Variants in MAML3 observed in about 807,000 individuals in gnomAD.
MAML3 encodes the protein mastermind like transcriptional coactivator 3.
A neutral mutation model predicts 101.9 loss-of-function variants in MAML3; 27 were observed. The observed-to-expected ratio is 0.27, with a 90% CI of 0.20 to 0.37. The LOEUF (loss-of-function observed/expected upper bound fraction) is 0.37, where lower values mean the gene tolerates loss of function less well. Among genes scored for constraint, MAML3 ranks in the 10% least tolerant of loss-of-function variants. The probability of loss-of-function intolerance (pLI) is 1.00; values close to 1 mark genes in which losing one functional copy is unlikely to be tolerated. For missense variants in MAML3, 1,316 were observed against 1,444.9 expected, an observed-to-expected ratio of 0.91 and a Z score of 1.45; for synonymous variants, 501 against 555.9, an observed-to-expected ratio of 0.90 and a Z score of 1.39.
chr4:139,995,616 T>C (rs1315391327), intron 1 of MAML3, among the ~76,000 whole-genome samples: 2 of 152,200 alleles, frequency 1.3e-5, no homozygotes, highest in Non-Finnish European at 2.9e-5. Context: ...GATTTGTTGG[T>C]GTGAGGTTGC....
intron 1 of MAML3, among the ~76,000 whole-genome samples, chr4:140,068,314 G>A (rs1332259765): frequency 2.0e-5 from 3 of 152,162 alleles, no homozygotes; most frequent in Admixed American, 1.3e-4. Context: ...GCACACACAG[G>A]CTTTGTACAC....
rs1579354019 is a variant in MAML3 at position 139,719,246 on chromosome 4, G to A, written c.*77C>T. The A allele has an allele frequency of 1.4e-6, 2 of 1,480,628 alleles. No individual in the cohort carries two copies. Among genetic ancestry groups the A allele is most frequent in the East Asian group, 4.7e-5 (2 of 42,942 alleles). The allele number at this position is 1,480,628 out of a possible 1,614,324, so 91.7% of individuals were successfully genotyped here. A position where few individuals can be genotyped will look rare whatever the true frequency, so the allele number is the denominator to read the frequency against. On this transcript the variant is annotated 3_prime_UTR_variant, in exon 5 of 5. Transcript: ENST00000509479. ...GTGGGTCAAAAAAACAAAAAACAAG[G>A]ATGGGTCAACATCCTGTTTCTTTTT...
rs61061197 is a variant in MAML3, at chr4:139,859,227, A to ATTTTT, written c.2079+30125_2079+30129dup. ...CCAACATTAGCAGAGGTTCTACTAC[A>ATTTTT]TTTTTTTTTTTTTTTTTGAGACAGG... On this transcript the variant is annotated intron_variant, in intron 2 of 4. Transcript: ENST00000509479. 2.8e-3 allele frequency among the ~76,000 whole-genome samples: 380 copies of ATTTTT among 135,512 alleles called. 1 individual carries two copies. The highest frequency in any genetic ancestry group is 0.011 in the African/African-American group (359 of 33,676). The allele number at this position is 135,512 out of a possible 152,430, so 88.9% of individuals were successfully genotyped here.
In MAML3 at chr4:139,717,870, T is replaced by C. The variant is rs1401767065; in HGVS notation, c.*1453A>G. 2.0e-5 allele frequency: 3 copies of C among 152,100 alleles called. No individual in the cohort carries two copies. The highest frequency in any genetic ancestry group is 2.9e-5 in the Non-Finnish European group (2 of 68,032). 9.4% of individuals were successfully genotyped at this position (152,100 alleles called of 1,614,324 possible). A position where few individuals can be genotyped will look rare whatever the true frequency, so the allele number is the denominator to read the frequency against. On this transcript the variant is annotated 3_prime_UTR_variant, in exon 5 of 5. Coordinates refer to ENST00000509479, the MANE Select transcript of MAML3 (RefSeq NM_018717.5). ...GGAGGCAAGGAGCCTTGTTGATTCC[T>C]TCTGACAGATTTCGCTTAGGGCAGA...
At chr4:139,981,150 T>C (rs546761736) in intron 1 of MAML3, among the ~76,000 whole-genome samples, 19 of 152,194 alleles carry the variant, frequency 1.2e-4, no homozygotes, top group African/African-American at 3.1e-4. Flanking sequence ...CCTGGCAAGG[T>C]TGGGTTCTTC....
intron 2 of MAML3, among the ~76,000 whole-genome samples, chr4:139,858,766 T>G (rs752675730): frequency 3.9e-5 from 6 of 152,154 alleles, no homozygotes; most frequent in Non-Finnish European, 8.8e-5. Context: ...CATGTGCCAG[T>G]CTATGGTTTC....
At chr4:139,939,639 T>A (rs190677742) in intron 1 of MAML3, among the ~76,000 whole-genome samples, 114 of 152,278 alleles carry the variant, frequency 7.5e-4, no homozygotes, top group African/African-American at 2.7e-3. Context: ...TAGCTCCCAA[T>A]ACATTGTTAT....
intron 1 of MAML3, chr4:140,133,912 C>A (rs1728839080): frequency 2.9e-6 from 1 of 346,344 alleles, no homozygotes; most frequent in African/African-American, 2.1e-5. Context: ...AACAAGGATA[C>A]TTCATCTATT....
chr4:140,051,629 C>T (rs895847015), intron 1 of MAML3, among the ~76,000 whole-genome samples: 6 of 151,806 alleles, frequency 4.0e-5, no homozygotes, highest in African/African-American at 4.8e-5. Flanking sequence ...GAATATCTAA[C>T]GAATCTTCAC....
chr4:139,736,499 G>A (rs1728952794), intron 2 of MAML3, among the ~76,000 whole-genome samples: 1 of 152,080 alleles, frequency 6.6e-6, no homozygotes, highest in South Asian at 2.1e-4. Flanking sequence ...CCCACCCCCT[G>A]AAATGAAAAC....
chr4:139,994,612 A>G (rs1273235091), intron 1 of MAML3, among the ~76,000 whole-genome samples: 4 of 152,192 alleles, frequency 2.6e-5, no homozygotes, highest in Non-Finnish European at 5.9e-5. Context: ...GTGAGCTATG[A>G]TTGTGCCACT....
intron 1 of MAML3, among the ~76,000 whole-genome samples, chr4:139,932,175 C>A (rs2110729746): frequency 1.5e-5 from 1 of 65,270 alleles, no homozygotes; most frequent in South Asian, 5.6e-4. Flanking sequence ...CAGTAACTTT[C>A]TCCTCAGATT....
At chr4:139,903,628 G>A (rs1431750521) in intron 1 of MAML3, among the ~76,000 whole-genome samples, 1 of 152,186 alleles carries the variant, frequency 6.6e-6, no homozygotes, top group East Asian at 1.9e-4. Flanking sequence ...AGTCTTTACA[G>A]AGGTTAAGTT....
Position 140,078,961 on chromosome 4 carries a change from T to C in MAML3, c.468+73899A>G, listed in dbSNP as rs148004859. 1.3e-4 allele frequency among the ~76,000 whole-genome samples: 20 copies of C among 152,258 alleles called. No individual in the cohort carries two copies. In the East Asian group the frequency reaches 3.5e-3, roughly 27 times the overall value. On this transcript the variant is annotated intron_variant, in intron 1 of 4. Transcript: ENST00000509479. ...GAAAGTCTGGGTGGGTGTTAAATTA[T>C]AATTATGTCTACAATGGTATATGAA...
At chr4:139,880,970 A>G (rs1732207567) in intron 2 of MAML3, among the ~76,000 whole-genome samples, 1 of 152,304 alleles carries the variant, frequency 6.6e-6, no homozygotes, top group African/African-American at 2.4e-5. Context: ...ATTTTGGGAG[A>G]TGAAAATCAG....
rs535524467 is a variant in MAML3 at position 139,855,291 on chromosome 4, A to G, written c.2079+34066T>C. ...CTGACACATTTGGAGGTCTGAGGGA[A>G]TGAAGCTGCAGTAAGATGAAAAGCA... On this transcript the variant is annotated intron_variant, in intron 2 of 4. Coordinates refer to ENST00000509479, the MANE Select transcript of MAML3 (RefSeq NM_018717.5). Among the ~76,000 whole-genome samples, 14 of 152,358 alleles carry G rather than the reference A, an allele frequency of 9.2e-5. No homozygotes were observed. The South Asian group carries it at 2.9e-3, about 32-fold the overall frequency.
chr4:139,862,499 T>C lies in MAML3; in HGVS notation c.2079+26858A>G, dbSNP rs965936512. 3.9e-5 allele frequency among the ~76,000 whole-genome samples: 6 copies of C among 152,332 alleles called. No individual in the cohort carries two copies. In the South Asian group the frequency reaches 1.2e-3, roughly 32 times the overall value. On this transcript the variant is annotated intron_variant, in intron 2 of 4. Coordinates refer to ENST00000509479, the MANE Select transcript of MAML3 (RefSeq NM_018717.5). ...GGACAAACTTCCACATCCTTTGATA[T>C]TCAGCTCAAATATCTCTTCTGACCA... is the stretch of plus-strand genomic sequence containing the variant.
In MAML3 at chr4:139,725,778, G is replaced by A. The variant is rs758791896; in HGVS notation, c.2389C>T (p.Pro797Ser). ...QHLQPQRNPYPVQQVNQFQGS... is the reference protein window; with the variant it reads ...QHLQPQRNPYSVQQVNQFQGS... ...TGAAACTGATTGACCTGCTGCACTG[G>A]GTATGGATTCCGCTGTGGCTGGAGG... Residue 797 changes from proline to serine, a missense_variant, in exon 4 of 5, where the codon CCA becomes TCA. Transcript: ENST00000509479. 1 of 1,613,946 alleles carries A rather than the reference G, an allele frequency of 6.2e-7. No homozygotes were observed. The highest frequency in any genetic ancestry group is 1.1e-5 in the South Asian group (1 of 91,084).
rs565785275 is a variant in MAML3 at position 139,889,639 on chromosome 4, A to G, written c.1797T>C (p.Tyr599=). The change falls in exon 2 of 5, where the codon TAT becomes TAC. Residue 599 remains tyrosine (Y), a synonymous_variant. Transcript: ENST00000509479. The part of the protein sequence containing the change: ...SLNKQHNILT[Y]GNTKPLTHFN... ...AGTGGGTCAGGGGTTTAGTGTTGCC[A>G]TAAGTCAGAATATTGTGCTGTTTGT... 3.5e-5 allele frequency: 56 copies of G among 1,614,014 alleles called. No homozygotes were observed. The East Asian group carries it at 4.5e-4, about 13-fold the overall frequency.
Sources: allele counts gnomAD v4.1 joint callset (sites outside exome capture counted in the v4.1 genomes callset), GRCh38; gene constraint gnomAD v4.1.1; transcripts MANE v1.5; gene names NCBI Gene and HGNC (gene_info 2026-07-23, HGNC 2026-07-21).